The following ST7L variants were observed in gnomAD, a reference collection of about 807,000 sequenced individuals.
ST7L encodes the protein suppressor of tumorigenicity 7 protein-like.
In ST7L, 57 loss-of-function variants were observed where a neutral mutation model predicts 72.5. The observed-to-expected ratio is 0.79, with a 90% CI of 0.64 to 0.98. ST7L has a LOEUF of 0.98. Ranked by LOEUF, ST7L falls within the 50% of genes least tolerant of loss-of-function variation. The probability of loss-of-function intolerance (pLI) is 0.00; values close to 1 mark genes in which losing one functional copy is unlikely to be tolerated. For missense variants in ST7L, 576 were observed against 672.2 expected, an observed-to-expected ratio of 0.86 and a Z score of 1.58; for synonymous variants, 221 against 240.9, an observed-to-expected ratio of 0.92 and a Z score of 0.77.
intron 13 of ST7L, among the ~76,000 whole-genome samples, chr1:112,550,047 G>T (rs11805708): frequency 0.12 from 18,697 of 152,096 alleles, 1,518 homozygotes; most frequent in South Asian, 0.23. Context: ...TGCATCTACT[G>T]TGCTTTATTC....
intron 14 of ST7L, among the ~76,000 whole-genome samples, chr1:112,531,286 T>TGA (rs1280171199): frequency 6.6e-6 from 1 of 152,228 alleles, no homozygotes; most frequent in African/African-American, 2.4e-5. Context: ...TCTGTGAATC[T>TGA]GAGGTGAGAC....
At chr1:112,598,171 G>A in intron 4 of ST7L, 85 bp from the exon 5 acceptor site, 1 of 844,320 alleles carries the variant, frequency 1.2e-6, no homozygotes, top group Non-Finnish European at 1.8e-6. Flanking sequence ...ATTCAAAAAT[G>A]TACTGCTACA....
At chr1:112,520,603 G>T, downstream of ST7L, 1 of 1,286,522 alleles carries the variant, frequency 7.8e-7, no homozygotes, top group Non-Finnish European at 1.1e-6. Context: ...CCTCCACCCT[G>T]GGCTGCTACC....
chr1:112,556,471 TTTTTCTC>T (rs1382290651), intron 11 of ST7L, among the ~76,000 whole-genome samples: 3 of 152,198 alleles, frequency 2.0e-5, no homozygotes, highest in Non-Finnish European at 2.9e-5. Context: ...GTGCAATTCT[TTTTTCTC>T]TTACTTACAT....
chr1:112,551,433 C>A (rs758232861), intron 12 of ST7L, among the ~76,000 whole-genome samples: 4 of 152,280 alleles, frequency 2.6e-5, no homozygotes, highest in Non-Finnish European at 4.4e-5. Context: ...CAGGTGTGAG[C>A]CACCGCGCCC....
In ST7L at chr1:112,556,966, C is replaced by CAAAAA. The variant is rs60106072; in HGVS notation, c.1246-953_1246-949dup. Among the ~76,000 whole-genome samples the CAAAAA allele has an allele frequency of 1.5e-3, 73 of 49,522 alleles. 3 individuals carry two copies. The highest frequency in any genetic ancestry group is 1.7e-3 in the African/African-American group (25 of 14,670). 32.5% of individuals were successfully genotyped at this position (49,522 alleles called of 152,430 possible). On this transcript the variant is annotated intron_variant, in intron 11 of 14. Coordinates refer to ENST00000358039, the MANE Select transcript of ST7L (RefSeq NM_017744.5). ...CTGGCGACAGAGCGAGACTCTGTCTCAAAAAAAAAAAAAAAAAACAAAAAA... is the reference window on the plus strand; with the variant it reads ...CTGGCGACAGAGCGAGACTCTGTCTCAAAAAAAAAAAAAAAAAAAAAAACAAAAAA...
chr1:112,539,670 A>G (rs1346709229), intron 14 of ST7L: 4 of 958,520 alleles, frequency 4.2e-6, no homozygotes, highest in Non-Finnish European at 4.9e-6. Context: ...AAAAAAAAAA[A>G]AAAGAAAAAG....
intron 12 of ST7L, among the ~76,000 whole-genome samples, chr1:112,552,674 G>A (rs1658428607): frequency 6.6e-6 from 1 of 152,124 alleles, no homozygotes; most frequent in African/African-American, 2.4e-5. Flanking sequence ...AAAGTTCTGG[G>A]ATTACAGGCG....
At position 112,558,850 on chromosome 1, in the gene ST7L, G is replaced by A. The variant is rs552190865; in HGVS notation, c.1246-2832C>T. 3.3e-5 allele frequency among the ~76,000 whole-genome samples: 5 copies of A among 152,196 alleles called. No individual in the cohort carries two copies. The South Asian group carries it at 8.3e-4, about 25-fold the overall frequency. On this transcript the variant is annotated intron_variant, in intron 11 of 14. Transcript: ENST00000358039. ...CAGTAAAAGATCACTCGCACCAGGC[G>A]GCTGTGGGAAAATGGACTCAAATAG...
intron 3 of ST7L, among the ~76,000 whole-genome samples, chr1:112,603,207 A>G (rs1570590825): frequency 2.6e-5 from 4 of 152,320 alleles, no homozygotes; most frequent in Admixed American, 2.6e-4. Flanking sequence ...GATATTAACA[A>G]GTGAGTTTTT....
At chr1:112,615,791 G>A (rs559992857) in intron 2 of ST7L, among the ~76,000 whole-genome samples, 2 of 152,186 alleles carry the variant, frequency 1.3e-5, no homozygotes, top group African/African-American at 4.8e-5. Flanking sequence ...CCAGGCTGGA[G>A]TGCAGTGGCA....
intron 6 of ST7L, 130 bp from the exon 7 acceptor site, chr1:112,584,256 T>C: frequency 1.1e-6 from 1 of 946,890 alleles, no homozygotes; most frequent in Non-Finnish European, 1.5e-6. Flanking sequence ...AAAAAAACCT[T>C]CGTTCAATAT....
downstream of ST7L, chr1:112,520,734 C>A: frequency 1.7e-6 from 1 of 588,258 alleles, no homozygotes; most frequent in Non-Finnish European, 3.0e-6. Context: ...TGATTTCCCG[C>A]TCTGGAGATT....
Position 112,524,922 on chromosome 1 carries a change from A to T in ST7L, c.*1091T>A, listed in dbSNP as rs1217016864. The T allele has an allele frequency of 6.6e-6, 1 of 152,214 alleles. No homozygotes were observed. The highest frequency in any genetic ancestry group is 6.5e-5 in the Admixed American group (1 of 15,284). 9.4% of individuals were successfully genotyped at this position (152,214 alleles called of 1,614,324 possible). ...AATAGGGTCTGGCTTTAATCAAGGAATATCTACAAAGTCACATTACCAACC... is the reference window on the plus strand; with the variant it reads ...AATAGGGTCTGGCTTTAATCAAGGATTATCTACAAAGTCACATTACCAACC... On this transcript the variant is annotated 3_prime_UTR_variant, in exon 15 of 15. Transcript: ENST00000358039.
At chr1:112,551,684 C>T (rs568796303) in intron 12 of ST7L, among the ~76,000 whole-genome samples, 1 of 152,286 alleles carries the variant, frequency 6.6e-6, no homozygotes, top group Non-Finnish European at 1.5e-5. Context: ...TTGTCCACCC[C>T]GATCTAGATT....
intron 12 of ST7L, among the ~76,000 whole-genome samples, chr1:112,552,552 G>A (rs1297194610): frequency 6.6e-6 from 1 of 152,080 alleles, no homozygotes; most frequent in Non-Finnish European, 1.5e-5. Flanking sequence ...TTACAGGCAT[G>A]CGCCACTATG....
chr1:112,537,205 G>A (rs923245766), intron 14 of ST7L, among the ~76,000 whole-genome samples: 4 of 152,058 alleles, frequency 2.6e-5, no homozygotes, highest in Non-Finnish European at 5.9e-5. Flanking sequence ...CACCATGTTG[G>A]CCAGGCTGGT....
intron 3 of ST7L, among the ~76,000 whole-genome samples, chr1:112,602,083 CAAAAAA>C (rs71584754): frequency 5.6e-5 from 5 of 89,060 alleles, no homozygotes; most frequent in South Asian, 5.1e-4. Flanking sequence ...AAACTCCATC[CAAAAAA>C]AAAAAAAAAA....
At chr1:112,604,332 C>A (rs780717523) in intron 3 of ST7L, among the ~76,000 whole-genome samples, 1 of 151,842 alleles carries the variant, frequency 6.6e-6, no homozygotes, top group South Asian at 2.1e-4. Flanking sequence ...AAAAATACAA[C>A]AATTCTCCCC....
Sources: allele counts gnomAD v4.1 joint callset (sites outside exome capture counted in the v4.1 genomes callset), GRCh38; gene constraint gnomAD v4.1.1; transcripts MANE v1.5; gene names NCBI Gene and HGNC (gene_info 2026-07-23, HGNC 2026-07-21).